The following ZSWIM4 variants were observed in gnomAD, a reference collection of about 807,000 sequenced individuals.
ZSWIM4 encodes the protein zinc finger SWIM-type containing 4, also known as zinc finger SWIM domain-containing protein 4.
In ZSWIM4, 62 loss-of-function variants were observed where a neutral mutation model predicts 102.5. The ratio of observed to expected loss-of-function variants is 0.60; its 90% CI spans 0.49 to 0.75. The LOEUF is 0.75. ZSWIM4 is among the 30% of genes least tolerant of loss of function. ZSWIM4 has a pLI of 0.00. For missense variants in ZSWIM4, 1,280 were observed against 1,529.6 expected (o/e 0.84, Z 2.72); for synonymous variants, 652 against 674.5 (o/e 0.97, Z 0.52).
intron 11 of ZSWIM4, among the ~76,000 whole-genome samples, chr19:13,824,584 T>C (rs113896988): frequency 0.018 from 2,778 of 151,982 alleles, 86 homozygotes; most frequent in African/African-American, 0.064. Context: ...ATATGAAAAT[T>C]AGCTGGGCGT....
rs1289280021 is a variant in ZSWIM4 at position 13,823,398 on chromosome 19, C to A, written c.2113C>A (p.Leu705Met). ...FPAGEPHPSP[L>M]DSIMSNRFPR... ...TGCTGGAGAACCTCATCCCAGCCCG[C>A]TGGACTCCATCATGAGCAACCGCTT... The change falls in exon 11 of 14, where the codon CTG (leucine) becomes ATG (methionine). Residue 705 changes from leucine to methionine, a missense_variant. Physicochemically the swap from Leu to Met is conservative, Grantham distance 15. Coordinates refer to ENST00000590508, the MANE Select transcript of ZSWIM4 (RefSeq NM_001367834.3). 1 of 1,613,742 alleles carries A rather than the reference C, an allele frequency of 6.2e-7. No individual in the cohort carries two copies. Among genetic ancestry groups the A allele is most frequent in the East Asian group, 2.2e-5 (1 of 44,882 alleles).
intron 8 of ZSWIM4, 106 bp downstream of exon 8, chr19:13,817,459 G>A: frequency 6.9e-7 from 1 of 1,451,836 alleles, no homozygotes. Flanking sequence ...CTGACCCTTG[G>A]CCACGCCCCT....
At position 13,825,757 on chromosome 19, in the gene ZSWIM4, G is replaced by A; in HGVS notation, c.2379+44G>A. The A allele has an allele frequency of 6.4e-7, 1 of 1,573,410 alleles. No individual in the cohort carries two copies. The highest frequency in any genetic ancestry group is 1.1e-5 in the South Asian group (1 of 87,614). On this transcript the variant is annotated intron_variant, in intron 12 of 13. Coordinates refer to ENST00000590508, the MANE Select transcript of ZSWIM4 (RefSeq NM_001367834.3). The surrounding 1 kb of genome is among the most constrained non-coding windows in gnomAD (Gnocchi z 4.6). Reference sequence around the variant, plus strand: ...ATGCGGGAGGGCGATGGTGGCTCGGGGCCAGGACTGACTGTGAGCTGCGCC... The same window carrying A: ...ATGCGGGAGGGCGATGGTGGCTCGGAGCCAGGACTGACTGTGAGCTGCGCC...
At chr19:13,819,941 C>T (rs1039208408) in intron 10 of ZSWIM4, among the ~76,000 whole-genome samples, 11 of 151,982 alleles carry the variant, frequency 7.2e-5, no homozygotes, top group East Asian at 5.8e-4. Flanking sequence ...ATCTCAGCTC[C>T]GCCTTCCAGG....
chr19:13,797,990 T>C (rs1331867376), intron 1 of ZSWIM4, among the ~76,000 whole-genome samples: 9 of 152,150 alleles, frequency 5.9e-5, no homozygotes, highest in Admixed American at 5.9e-4. Flanking sequence ...GCTTACGAAT[T>C]TGTGTTGGCC....
At chr19:13,814,039 C>T (rs1475019898) in intron 6 of ZSWIM4, among the ~76,000 whole-genome samples, 2 of 151,376 alleles carry the variant, frequency 1.3e-5, no homozygotes, top group African/African-American at 4.9e-5. Flanking sequence ...CCTGTACTAG[C>T]TCCTAACACA....
chr19:13,821,989 G>C (rs1975476247), intron 10 of ZSWIM4, among the ~76,000 whole-genome samples: 1 of 152,058 alleles, frequency 6.6e-6, no homozygotes. Context: ...ACCCACCTCA[G>C]CCTCCCAAAG....
chr19:13,799,670 G>A (rs763570827), intron 1 of ZSWIM4, 50 bp from the exon 2 acceptor site: 12 of 1,570,126 alleles, frequency 7.6e-6, no homozygotes, highest in East Asian at 6.7e-5. Context: ...TTCCCAAAGC[G>A]CTGGGATTAC....
chr19:13,802,427 A>G (rs1260185621), intron 2 of ZSWIM4, among the ~76,000 whole-genome samples: 1 of 151,692 alleles, frequency 6.6e-6, no homozygotes, highest in Non-Finnish European at 1.5e-5. Flanking sequence ...TAAAGATACA[A>G]AAATTAGCCA....
At position 13,808,924 on chromosome 19, in the gene ZSWIM4, G is replaced by T. The variant is rs200666344; in HGVS notation, c.801G>T (p.Gln267His). The T allele has an allele frequency of 1.3e-4, 209 of 1,611,708 alleles. No individual in the cohort carries two copies. The East Asian group carries it at 3.0e-3, about 23-fold the overall frequency. Residue 267 changes from glutamine (Q) to histidine (H), a missense_variant, in exon 4 of 14, where the codon CAG (glutamine) becomes CAT (histidine). By Grantham distance (24) the Gln-to-His change is conservative. Transcript: ENST00000590508. ...DEEQIQEQVK[Q>H]LLSNGGYYGA... ...AGCAGATCCAGGAGCAGGTGAAGCA[G>T]CTACTGTCCAATGGCGGCTACTACG...
chr19:13,812,080 A>G (rs1459189096), intron 5 of ZSWIM4, among the ~76,000 whole-genome samples: 2 of 152,118 alleles, frequency 1.3e-5, no homozygotes, highest in Non-Finnish European at 2.9e-5. Flanking sequence ...GTCTCAAAAA[A>G]TAAATAAATA....
Position 13,825,403 on chromosome 19 carries a change from C to T in ZSWIM4, c.2216-147C>T. ...GGGCTAGGGGCACTGAGGTCTGAAT[C>T]TTCACAGAACCATGGCCCAGTACAC... is the stretch of plus-strand genomic sequence containing the variant. On this transcript the variant is annotated intron_variant, in intron 11 of 13. Coordinates refer to ENST00000590508, the MANE Select transcript of ZSWIM4 (RefSeq NM_001367834.3). This position sits in a 1 kb window ranked among gnomAD's most constrained non-coding sequence, Gnocchi z 4.6. The T allele has an allele frequency of 1.0e-6, 1 of 980,992 alleles. No homozygotes were observed. The highest frequency in any genetic ancestry group is 1.6e-5 in the African/African-American group (1 of 61,358). The allele number at this position is 980,992 out of a possible 1,614,324, so 60.8% of individuals were successfully genotyped here.
chr19:13,826,440 G>A (rs1015245935), intron 12 of ZSWIM4, among the ~76,000 whole-genome samples: 14 of 152,038 alleles, frequency 9.2e-5, no homozygotes, highest in African/African-American at 3.4e-4. Context: ...TTGAAGATGA[G>A]ATGCCAACTC....
At chr19:13,806,125 C>A (rs553703557) in intron 3 of ZSWIM4, among the ~76,000 whole-genome samples, 1 of 151,312 alleles carries the variant, frequency 6.6e-6, no homozygotes, top group East Asian at 2.1e-4. Context: ...TCACTGCAAC[C>A]TCTGCCTCCT....
At chr19:13,812,153 G>T (rs1975113798) in intron 5 of ZSWIM4, among the ~76,000 whole-genome samples, 1 of 152,114 alleles carries the variant, frequency 6.6e-6, no homozygotes, top group African/African-American at 2.4e-5. Flanking sequence ...AAAAATAAAG[G>T]GTGGTTCAGT....
At position 13,830,734 on chromosome 19, in the gene ZSWIM4, G is replaced by A; in HGVS notation, c.3005G>A (p.Arg1002His). ...CCAATGCTGTCCGATATTCTGCGCC[G>A]CTGGACTCTCTCGGCGCCCGGTCTG... is the stretch of plus-strand genomic sequence containing the variant. ...CAPMLSDILR[R>H]WTLSAPGLGP... Residue 1002 changes from arginine (R) to histidine (H), a missense_variant, in exon 14 of 14, where the codon CGC becomes CAC. By Grantham distance (29) the Arg-to-His change is conservative. Coordinates refer to ENST00000590508, the MANE Select transcript of ZSWIM4 (RefSeq NM_001367834.3). 6.2e-7 allele frequency: 1 copy of A among 1,608,214 alleles called. No homozygotes were observed. Among genetic ancestry groups the A allele is most frequent in the South Asian group, 1.1e-5 (1 of 90,768 alleles).
chr19:13,799,398 C>T (rs902936234), intron 1 of ZSWIM4, among the ~76,000 whole-genome samples: 5 of 151,582 alleles, frequency 3.3e-5, no homozygotes, highest in Admixed American at 6.6e-5. Flanking sequence ...CTCAGCCTCC[C>T]GAGCAGCTGG....
chr19:13,812,545 C>T (rs1420688795), intron 5 of ZSWIM4, among the ~76,000 whole-genome samples: 1 of 151,174 alleles, frequency 6.6e-6, no homozygotes, highest in Admixed American at 6.6e-5. Context: ...CTGCAACCTC[C>T]ACCTCCCGGG....
chr19:13,819,654 A>ATTATTTAT (rs539022265), intron 10 of ZSWIM4, among the ~76,000 whole-genome samples, 162 bp downstream of exon 10: 1,621 of 150,332 alleles, frequency 0.011, 37 homozygotes, highest in African/African-American at 0.037. Context: ...TTTCATTATT[A>ATTATTTAT]TTATTTATTT....
Sources: allele counts gnomAD v4.1 joint callset (sites outside exome capture counted in the v4.1 genomes callset), GRCh38; gene constraint gnomAD v4.1.1; non-coding constraint Gnocchi (gnomAD v3.1); transcripts MANE v1.5; gene names NCBI Gene and HGNC (gene_info 2026-07-23, HGNC 2026-07-21).